WNT2: variants seen among roughly 807,000 people sequenced by gnomAD.
WNT2 encodes protein Wnt-2.
In WNT2, 12 loss-of-function variants were observed where a neutral mutation model predicts 36.9. The ratio of observed to expected loss-of-function variants is 0.33; its 90% confidence interval spans 0.21 to 0.53. The LOEUF is 0.53. WNT2 is among the 20% of genes least tolerant of loss of function. The pLI is 0.95. For synonymous variants in WNT2, 163 were observed against 174.6 expected, an observed-to-expected ratio of 0.93 and a Z score of 0.52; for missense variants, 379 against 473.1, an observed-to-expected ratio of 0.80 and a Z score of 1.84.
chr7:117,323,038 A>G lies in WNT2; in HGVS notation c.-49T>C. The G allele has an allele frequency of 6.5e-7, 1 of 1,536,606 alleles. No homozygotes were observed. The highest frequency in any genetic ancestry group is 2.3e-5 in the East Asian group (1 of 43,708). On this transcript the variant is annotated 5_prime_UTR_variant, in exon 1 of 5. The change abolishes an upstream ATG in the 5' untranslated region. Coordinates refer to ENST00000265441, the MANE Select transcript of WNT2 (RefSeq NM_003391.3). Reference sequence around the variant, plus strand: ...AGGTCAGACTCCGTGTGCGGGCGCCATGCGTGCCCAGAGCAGAAGCGCTCA... The same window carrying G: ...AGGTCAGACTCCGTGTGCGGGCGCCGTGCGTGCCCAGAGCAGAAGCGCTCA...
intron 4 of WNT2, among the ~76,000 whole-genome samples, chr7:117,291,284 T>G (rs1584680073): frequency 1.3e-5 from 2 of 152,338 alleles, no homozygotes; most frequent in South Asian, 4.1e-4. Flanking sequence ...TTTTTTGAAC[T>G]TGACTGGAGA....
At chr7:117,312,274 C>T (rs1795136967) in intron 3 of WNT2, among the ~76,000 whole-genome samples, 1 of 152,068 alleles carries the variant, frequency 6.6e-6, no homozygotes. Context: ...CATGATCCTC[C>T]CACCTCAGCC....
intron 3 of WNT2, among the ~76,000 whole-genome samples, chr7:117,303,479 C>T (rs917982922): frequency 6.6e-6 from 1 of 152,118 alleles, no homozygotes; most frequent in Non-Finnish European, 1.5e-5. Flanking sequence ...GATAAGTGGG[C>T]CACACCAGAG....
intron 3 of WNT2, among the ~76,000 whole-genome samples, chr7:117,306,335 C>T (rs1156968045): frequency 2.6e-5 from 4 of 152,116 alleles, no homozygotes; most frequent in African/African-American, 4.8e-5. Context: ...GGGGAGAAAA[C>T]GGTACCAATT....
At chr7:117,312,850 G>T (rs577635729) in intron 3 of WNT2, among the ~76,000 whole-genome samples, 1 of 152,164 alleles carries the variant, frequency 6.6e-6, no homozygotes, top group Non-Finnish European at 1.5e-5. Flanking sequence ...ATTAAGGCCC[G>T]TTATGAATGG....
At chr7:117,311,032 C>T (rs892516729) in intron 3 of WNT2, among the ~76,000 whole-genome samples, 1 of 152,150 alleles carries the variant, frequency 6.6e-6, no homozygotes, top group African/African-American at 2.4e-5. Context: ...CAAAGTAATT[C>T]CTTAATAAAA....
At chr7:117,302,282 AG>A (rs1794921301) in intron 3 of WNT2, among the ~76,000 whole-genome samples, 1 of 152,242 alleles carries the variant, frequency 6.6e-6, no homozygotes, top group South Asian at 2.1e-4. Flanking sequence ...AAGGACAAAA[AG>A]GTGTTCGACT....
At chr7:117,290,943 T>C (rs1031514743) in intron 4 of WNT2, among the ~76,000 whole-genome samples, 3 of 152,244 alleles carry the variant, frequency 2.0e-5, no homozygotes, top group African/African-American at 4.8e-5. Flanking sequence ...CTAAGTAAGA[T>C]CCACCCATTG....
intron 4 of WNT2, among the ~76,000 whole-genome samples, chr7:117,287,756 G>A (rs1013713624): frequency 1.3e-5 from 2 of 152,132 alleles, no homozygotes; most frequent in Non-Finnish European, 1.5e-5. Flanking sequence ...GGGAGGTCAA[G>A]GTGGGCAGAT....
At chr7:117,293,726 A>G (rs1794734160) in intron 4 of WNT2, among the ~76,000 whole-genome samples, 1 of 151,978 alleles carries the variant, frequency 6.6e-6, no homozygotes, top group Admixed American at 6.6e-5. Flanking sequence ...TCCTAATGCA[A>G]TAGGATTTTA....
intron 3 of WNT2, among the ~76,000 whole-genome samples, chr7:117,300,164 A>C (rs1040513974): frequency 2.0e-5 from 3 of 152,092 alleles, no homozygotes; most frequent in Non-Finnish European, 2.9e-5. Context: ...GTAAAAAAAA[A>C]GTTTCTTCAC....
At chr7:117,306,668 C>T (rs1444976535) in intron 3 of WNT2, among the ~76,000 whole-genome samples, 1 of 152,174 alleles carries the variant, frequency 6.6e-6, no homozygotes, top group African/African-American at 2.4e-5. Context: ...CTCCCAGCCC[C>T]CATGGTTCTT....
intron 4 of WNT2, among the ~76,000 whole-genome samples, chr7:117,293,390 G>A (rs956542296): frequency 2.0e-5 from 3 of 151,994 alleles, no homozygotes; most frequent in Admixed American, 6.6e-5. Context: ...CACCACCATC[G>A]CTTCCCCAGT....
chr7:117,300,288 G>A (rs767164152), intron 3 of WNT2, among the ~76,000 whole-genome samples: 8 of 152,202 alleles, frequency 5.3e-5, no homozygotes, highest in Non-Finnish European at 7.3e-5. Flanking sequence ...CCTGGTTCAA[G>A]CGATTCTACT....
chr7:117,293,183 T>C (rs1794724705), intron 4 of WNT2, among the ~76,000 whole-genome samples: 1 of 150,198 alleles, frequency 6.7e-6, no homozygotes, highest in Non-Finnish European at 1.5e-5. Context: ...GCTGGTTCAA[T>C]AGGTTTCTGA....
chr7:117,314,132 C>T (rs1040176226), intron 3 of WNT2, among the ~76,000 whole-genome samples: 3 of 152,144 alleles, frequency 2.0e-5, no homozygotes, highest in Non-Finnish European at 4.4e-5. Flanking sequence ...TTATCGTTAC[C>T]TCTTCCTATT....
chr7:117,305,948 C>A (rs1302007938), intron 3 of WNT2, among the ~76,000 whole-genome samples: 1 of 152,194 alleles, frequency 6.6e-6, no homozygotes, highest in East Asian at 1.9e-4. Context: ...GTTCCCTATT[C>A]CATCAATGGA....
chr7:117,299,428 T>C (rs1379985840), intron 3 of WNT2, among the ~76,000 whole-genome samples: 1 of 152,178 alleles, frequency 6.6e-6, no homozygotes, highest in African/African-American at 2.4e-5. Flanking sequence ...TATTTAATCA[T>C]AAGTAATATC....
At chr7:117,281,366 T>TG (rs1223621186) in intron 4 of WNT2, among the ~76,000 whole-genome samples, 1 of 152,034 alleles carries the variant, frequency 6.6e-6, no homozygotes, top group African/African-American at 2.4e-5. Context: ...GCCTCTCAAG[T>TG]GGCTGGGACT....
Sources: gnomAD v4.1 joint callset for allele counts (sites outside exome capture counted in the v4.1 genomes callset) on GRCh38, gnomAD v4.1.1 for gene constraint, MANE v1.5 for transcripts, NCBI Gene and HGNC (gene_info 2026-07-23, HGNC 2026-07-21) for gene names.